The following TP53I13 variants were observed in gnomAD, a reference collection of about 807,000 sequenced individuals.
The protein encoded by TP53I13 is tumor protein p53-inducible protein 13.
In TP53I13, 27 loss-of-function variants were observed where a neutral mutation model predicts 39.1. The observed-to-expected ratio is 0.69, with a 90% CI of 0.51 to 0.95. TP53I13 has a LOEUF of 0.95. Among genes scored for constraint, TP53I13 ranks in the 40% least tolerant of loss-of-function variants. The pLI is 0.00. For synonymous variants in TP53I13, 230 were observed against 224.6 expected, an observed-to-expected ratio of 1.02 and a Z score of -0.22; for missense variants, 544 against 520.4, an observed-to-expected ratio of 1.05 and a Z score of -0.44.
At chr17:29,575,720 AG>A (rs777388210), downstream of TP53I13, 2 of 1,612,292 alleles carry the variant, frequency 1.2e-6, no homozygotes, top group South Asian at 2.2e-5. The surrounding 1 kb of genome is among the most constrained non-coding windows in gnomAD (Gnocchi z 5.5). Context: ...GGCGGAGGGA[AG>A]GGGCTGTGAG....
upstream of TP53I13, chr17:29,566,679 G>T: frequency 6.3e-7 from 1 of 1,595,264 alleles, no homozygotes; most frequent in Admixed American, 1.7e-5. Flanking sequence ...AGGAGCGCGG[G>T]CCGGCCTCCA....
At chr17:29,581,358 G>A in the TP53I13 span, 121 of 1,612,594 alleles carry the variant, frequency 7.5e-5, no homozygotes, top group Non-Finnish European at 9.7e-5. The surrounding 1 kb of genome is among the most constrained non-coding windows in gnomAD (Gnocchi z 4.8). Flanking sequence ...TCTGTGGGAT[G>A]ATGTAATGCC....
chr17:29,575,073 C>T, downstream of TP53I13: 1 of 1,590,646 alleles, frequency 6.3e-7, no homozygotes, highest in Non-Finnish European at 8.6e-7. This position sits in a 1 kb window ranked among gnomAD's most constrained non-coding sequence, Gnocchi z 5.5. Context: ...TCTTTGGCCC[C>T]TGTACCTTTG....
chr17:29,575,735 C>A, downstream of TP53I13: 1 of 1,611,340 alleles, frequency 6.2e-7, no homozygotes, highest in Non-Finnish European at 8.5e-7. This position sits in a 1 kb window ranked among gnomAD's most constrained non-coding sequence, Gnocchi z 5.5. Context: ...CTGTGAGCGC[C>A]GTGTTCCTGG....
downstream of TP53I13, chr17:29,576,848 G>A (rs1173907177): frequency 3.2e-6 from 5 of 1,577,544 alleles, no homozygotes; most frequent in Non-Finnish European, 4.3e-6. Flanking sequence ...GTGGGAAGGA[G>A]GGTGGGACTC....
downstream of TP53I13, chr17:29,575,773 C>T (rs1234542025): frequency 1.2e-6 from 2 of 1,607,834 alleles, no homozygotes; most frequent in Admixed American, 1.7e-5. This position sits in a 1 kb window ranked among gnomAD's most constrained non-coding sequence, Gnocchi z 5.5. Flanking sequence ...CCCACACGGC[C>T]CCCAGCCACC....
intron 3 of TP53I13, chr17:29,570,380 C>A (rs897588838): frequency 6.6e-6 from 1 of 151,492 alleles, no homozygotes; most frequent in African/African-American, 2.4e-5. Flanking sequence ...TGGTGGCACA[C>A]CCCTGTAATC....
At chr17:29,578,675 G>T in the TP53I13 span, 1 of 1,432,094 alleles carries the variant, frequency 7.0e-7, no homozygotes, top group Non-Finnish European at 9.9e-7. Context: ...AGCAGAGGGT[G>T]GGGGATCAGA....
downstream of TP53I13, chr17:29,576,989 G>A (rs868697744): frequency 1.1e-5 from 17 of 1,603,170 alleles, no homozygotes; most frequent in Middle Eastern, 1.7e-4. Flanking sequence ...GAGACAGCTC[G>A]AGGTTGTCTG....
intron 3 of TP53I13, chr17:29,569,691 G>A (rs1348184657): frequency 7.0e-6 from 2 of 285,436 alleles, no homozygotes; most frequent in South Asian, 1.1e-4. Flanking sequence ...AGGAGACAGC[G>A]GGAAGTCTCC....
At chr17:29,577,871 G>A, downstream of TP53I13, 1 of 659,902 alleles carries the variant, frequency 1.5e-6, no homozygotes, top group Non-Finnish European at 2.7e-6. Context: ...GAACAGGGGT[G>A]GTCTTTGGGC....
At chr17:29,581,963 G>A in the TP53I13 span, 1 of 1,612,820 alleles carries the variant, frequency 6.2e-7, no homozygotes, top group Non-Finnish European at 8.5e-7. The surrounding 1 kb of genome is among the most constrained non-coding windows in gnomAD (Gnocchi z 4.8). Flanking sequence ...ATTAACATCA[G>A]GGGAGCCAGG....
chr17:29,572,746 G>A, intron 6 of TP53I13, 49 bp downstream of exon 6: 1 of 1,451,494 alleles, frequency 6.9e-7, no homozygotes, highest in Non-Finnish European at 9.2e-7. Context: ...CCCACCTCGC[G>A]TCGCCCGCCG....
At chr17:29,579,250 G>C in the TP53I13 span, 1 of 531,538 alleles carries the variant, frequency 1.9e-6, no homozygotes, top group Admixed American at 3.4e-5. Context: ...TCCAGTCCTA[G>C]TGAAGCTCCC....
At chr17:29,579,083 A>G in the TP53I13 span, 3 of 1,057,286 alleles carry the variant, frequency 2.8e-6, no homozygotes, top group Non-Finnish European at 4.4e-6. Context: ...TCAGGCCCAG[A>G]CCCATCTCCA....
the TP53I13 span, chr17:29,582,056 T>C: frequency 6.2e-7 from 1 of 1,610,564 alleles, no homozygotes; most frequent in Non-Finnish European, 8.5e-7. Context: ...GGTGCCCTTC[T>C]CTGGGTGGAA....
the TP53I13 span, chr17:29,578,204 C>T: frequency 2.9e-6 from 3 of 1,043,150 alleles, no homozygotes; most frequent in African/African-American, 4.7e-5. Flanking sequence ...GCAGCCCCAA[C>T]CCCAGGCACC....
At chr17:29,578,602 G>T in the TP53I13 span, 1 of 916,256 alleles carries the variant, frequency 1.1e-6, no homozygotes, top group Non-Finnish European at 1.8e-6. Flanking sequence ...GACTGCTGAG[G>T]CCAGTGAGGG....
Position 29,571,876 on chromosome 17 carries a change from G to A in TP53I13, c.332G>A (p.Trp111Ter). 6.2e-7 allele frequency: 1 copy of A among 1,613,228 alleles called. No homozygotes were observed. Among genetic ancestry groups the A allele is most frequent in the Non-Finnish European group, 8.5e-7 (1 of 1,179,922 alleles). The change falls in exon 5 of 7, where the codon TGG (tryptophan) becomes TAG (stop). Residue 111 changes from tryptophan (W) to a stop codon, truncating the protein, a stop_gained. Transcript: ENST00000301057. LOFTEE classifies it high-confidence loss of function. ...TCGTAGCCCCTGGTGCTGACTGCAT[G>A]GGGGCTGGCGCTGGAGATGGCCTGG... is the stretch of plus-strand genomic sequence containing the variant. ...TQDRPLVLTA[W>*]GLALEMAWVE...
Sources: gnomAD v4.1 joint callset for allele counts on GRCh38, gnomAD v4.1.1 for gene constraint, Gnocchi (gnomAD v3.1) non-coding constraint, MANE v1.5 for transcripts, NCBI Gene and HGNC (gene_info 2026-07-23, HGNC 2026-07-21) for gene names.